DAAM1: variants seen among roughly 807,000 people sequenced by gnomAD.
The protein encoded by DAAM1 is dishevelled associated activator of morphogenesis 1.
DAAM1 carries 52 observed loss-of-function variants against 130.0 expected under a neutral mutation model. The observed-to-expected ratio is 0.40, with a 90% confidence interval of 0.32 to 0.50. DAAM1 has a LOEUF of 0.50. Ranked by LOEUF, DAAM1 falls within the 20% of genes least tolerant of loss-of-function variation. The pLI, the probability that DAAM1 is intolerant of heterozygous loss-of-function variation, is 0.61. For missense variants in DAAM1, 1,134 were observed against 1,303.8 expected (o/e 0.87, Z 2.01); for synonymous variants, 452 against 444.5 (o/e 1.02, Z -0.21).
At chr14:59,217,238 C>T (rs1304513338) in intron 1 of DAAM1, among the ~76,000 whole-genome samples, 3 of 141,612 alleles carry the variant, frequency 2.1e-5, no homozygotes, top group African/African-American at 4.9e-5. Context: ...CAGGACTGCT[C>T]CCTGTGTGTG....
intron 1 of DAAM1, among the ~76,000 whole-genome samples, chr14:59,227,616 G>A (rs1285444361): frequency 1.3e-5 from 2 of 152,148 alleles, no homozygotes; most frequent in African/African-American, 2.4e-5. Flanking sequence ...TCATTATCTC[G>A]ATTATGTGTC....
chr14:59,368,931 T>C lies in DAAM1; in HGVS notation c.*72T>C. The stretch of plus-strand genomic sequence containing the variant: ...AAGTGACTAGAACGTTTCATTACAC[T>C]GCCTTGCAATCCAAACAGTGGCAAT... On this transcript the variant is annotated 3_prime_UTR_variant, in exon 25 of 25. Transcript: ENST00000360909. 1.4e-6 allele frequency: 2 copies of C among 1,419,814 alleles called. No homozygotes were observed. The highest frequency in any genetic ancestry group is 1.9e-6 in the Non-Finnish European group (2 of 1,046,688). The allele number at this position is 1,419,814 out of a possible 1,614,324, so 88.0% of individuals were successfully genotyped here.
chr14:59,300,519 G>T (rs116113684), intron 3 of DAAM1, among the ~76,000 whole-genome samples: 1 of 152,170 alleles, frequency 6.6e-6, no homozygotes, highest in Non-Finnish European at 1.5e-5. Context: ...TTCCTCTCAA[G>T]TCATGAGGTA....
At position 59,250,147 on chromosome 14, in the gene DAAM1, C is replaced by T. The variant is rs117459198; in HGVS notation, c.-37-13294C>T. Among the ~76,000 whole-genome samples the T allele has an allele frequency of 2.8e-4, 42 of 152,180 alleles. 1 individual carries two copies. The highest frequency in any genetic ancestry group is 3.4e-3 in the Middle Eastern group (1 of 294). On this transcript the variant is annotated intron_variant, in intron 1 of 24. Transcript: ENST00000360909. ...GTTCTCTTCTAACTGGCCCTGAGACCGTTTGAAGAACTTCTGACATAACGG... is the reference window on the plus strand; with the variant it reads ...GTTCTCTTCTAACTGGCCCTGAGACTGTTTGAAGAACTTCTGACATAACGG...
intron 9 of DAAM1, 47 bp downstream of exon 9, chr14:59,325,777 A>ATT (rs1406838509): frequency 6.2e-7 from 1 of 1,604,274 alleles, no homozygotes; most frequent in African/African-American, 1.3e-5. Flanking sequence ...AGTTCACATT[A>ATT]TTTCTGTCTG....
At chr14:59,313,215 G>A (rs565323522) in intron 3 of DAAM1, among the ~76,000 whole-genome samples, 114 of 152,302 alleles carry the variant, frequency 7.5e-4, no homozygotes, top group Non-Finnish European at 1.4e-3. Context: ...GGCTCCTGCA[G>A]CACACATCTG....
intron 22 of DAAM1, among the ~76,000 whole-genome samples, chr14:59,361,774 A>G (rs1886710834): frequency 1.3e-5 from 2 of 152,170 alleles, no homozygotes; most frequent in African/African-American, 4.8e-5. Context: ...CAAAGCAGCC[A>G]TAGCTTGGGC....
At chr14:59,363,566 T>A (rs771826988) in intron 22 of DAAM1, 85 bp from the exon 23 acceptor site, 2 of 1,563,994 alleles carry the variant, frequency 1.3e-6, no homozygotes, top group Non-Finnish European at 1.7e-6. Context: ...TTTATTAAAT[T>A]TAAGGCATGT....
At chr14:59,338,165 G>A (rs140555505) in intron 15 of DAAM1, among the ~76,000 whole-genome samples, 130 of 152,130 alleles carry the variant, frequency 8.5e-4, no homozygotes, top group Non-Finnish European at 1.6e-3. Flanking sequence ...AAATGTCATC[G>A]TCTTTCTCTA....
chr14:59,225,333 T>C (rs1211283459), intron 1 of DAAM1, among the ~76,000 whole-genome samples: 1 of 152,158 alleles, frequency 6.6e-6, no homozygotes, highest in East Asian at 1.9e-4. Flanking sequence ...ACCATAAATT[T>C]GTGTTTTTAA....
At chr14:59,355,551 C>A (rs1886445073) in intron 20 of DAAM1, among the ~76,000 whole-genome samples, 1 of 152,228 alleles carries the variant, frequency 6.6e-6, no homozygotes, top group African/African-American at 2.4e-5. Context: ...AATTATCCTT[C>A]ATCCATTTTT....
At position 59,282,020 on chromosome 14, in the gene DAAM1, T is replaced by C. The variant is rs565947972; in HGVS notation, c.184-9197T>C. On this transcript the variant is annotated intron_variant, in intron 2 of 24. Coordinates refer to ENST00000360909, the MANE Select transcript of DAAM1 (RefSeq NM_001270520.2). Reference sequence around the variant, plus strand: ...ATAGGATAAAGAATTAAGTTCACAGTGGCTTTCAAGGCTGCTGTTCATTGT... The same window carrying C: ...ATAGGATAAAGAATTAAGTTCACAGCGGCTTTCAAGGCTGCTGTTCATTGT... 8.5e-4 allele frequency among the ~76,000 whole-genome samples: 130 copies of C among 152,290 alleles called. 1 individual carries two copies. The highest frequency in any genetic ancestry group is 3.1e-3 in the African/African-American group (129 of 41,564).
rs542855448 is a variant in DAAM1 at position 59,287,829 on chromosome 14, T to G, written c.184-3388T>G. Among the ~76,000 whole-genome samples, 111 of 152,316 alleles carry G rather than the reference T, an allele frequency of 7.3e-4. 1 individual carries two copies. The highest frequency in any genetic ancestry group is 5.0e-3 in the Admixed American group (76 of 15,284). ...CATGGATAGGAAGAATCAATATTGT[T>G]AAAATGACCATACTGCCCAAAGCAA... is the stretch of plus-strand genomic sequence containing the variant. On this transcript the variant is annotated intron_variant, in intron 2 of 24. Coordinates refer to ENST00000360909, the MANE Select transcript of DAAM1 (RefSeq NM_001270520.2).
At chr14:59,219,738 A>G (rs1465220082) in intron 1 of DAAM1, among the ~76,000 whole-genome samples, 2 of 152,206 alleles carry the variant, frequency 1.3e-5, no homozygotes, top group African/African-American at 4.8e-5. Context: ...ACTTGATTTG[A>G]ACATGAGCTT....
At chr14:59,241,388 C>T (rs964518236) in intron 1 of DAAM1, among the ~76,000 whole-genome samples, 5 of 152,078 alleles carry the variant, frequency 3.3e-5, no homozygotes, top group Admixed American at 2.0e-4. Flanking sequence ...GACCTCTTTC[C>T]GAATTAAGTA....
chr14:59,299,503 T>C (rs376970469), intron 3 of DAAM1, among the ~76,000 whole-genome samples: 2 of 152,328 alleles, frequency 1.3e-5, no homozygotes, highest in East Asian at 3.9e-4. Flanking sequence ...TAGTATGAAC[T>C]GAGTTTCTGC....
chr14:59,302,884 C>T (rs1247654759), intron 3 of DAAM1, among the ~76,000 whole-genome samples: 1 of 152,148 alleles, frequency 6.6e-6, no homozygotes, highest in Non-Finnish European at 1.5e-5. Context: ...GAAGTCCTGA[C>T]CTCAGGTGAT....
At chr14:59,367,906 AAGACAACC>A (rs1192337525) in intron 24 of DAAM1, among the ~76,000 whole-genome samples, 1 of 152,210 alleles carries the variant, frequency 6.6e-6, no homozygotes, top group African/African-American at 2.4e-5. Flanking sequence ...CACCAAGCTA[AAGACAACC>A]TAAATGTTTA....
chr14:59,253,963 A>G (rs571498573), intron 1 of DAAM1, among the ~76,000 whole-genome samples: 48 of 152,348 alleles, frequency 3.2e-4, no homozygotes, highest in Non-Finnish European at 4.7e-4. Flanking sequence ...CATTATTTCA[A>G]TTGTGAGGAA....
Sources: allele counts gnomAD v4.1 joint callset (sites outside exome capture counted in the v4.1 genomes callset), GRCh38; gene constraint gnomAD v4.1.1; transcripts MANE v1.5; gene names NCBI Gene and HGNC (gene_info 2026-07-23, HGNC 2026-07-21).